Variants in WNK1 observed in about 807,000 individuals in gnomAD.
WNK1 encodes WNK lysine deficient protein kinase 1.
WNK1 carries 38 observed loss-of-function variants against 222.8 expected under a neutral mutation model. The observed-to-expected ratio is 0.17, with a 90% CI of 0.13 to 0.22. The LOEUF is 0.22. Among genes scored for constraint, WNK1 ranks in the 10% least tolerant of loss-of-function variants. The probability of loss-of-function intolerance (pLI) is 1.00; values close to 1 mark genes in which losing one functional copy is unlikely to be tolerated. For missense variants in WNK1, 2,348 were observed against 2,918.4 expected (o/e 0.80, Z 4.50); for synonymous variants, 1,090 against 1,092.9 (o/e 1.00, Z 0.05).
At chr12:813,936 G>T in intron 2 of WNK1, 122 bp downstream of exon 2, 1 of 997,612 alleles carries the variant, frequency 1.0e-6, no homozygotes, top group Non-Finnish European at 1.5e-6. Flanking sequence ...CCTTCCAACT[G>T]TTACTGTATT....
rs759061327 is a variant in WNK1 at position 884,195 on chromosome 12, A to G, written c.3796A>G (p.Ser1266Gly). ...GTTTATAGTGAGTCCTGTGCCAGAA[A>G]GCCGATTACGAGAATCAAAAGTTTT... ...RRFIVSPVPE[S>G]RLRESKVFPS... The change falls in exon 18 of 28, where the codon AGC becomes GGC. Residue 1266 changes from serine to glycine, a missense_variant. Physicochemically the swap from Ser to Gly is moderately conservative, Grantham distance 56. Coordinates refer to ENST00000315939, the MANE Select transcript of WNK1 (RefSeq NM_018979.4). This position sits in a 1 kb window ranked among gnomAD's most constrained non-coding sequence, Gnocchi z 5.6. The G allele has an allele frequency of 6.2e-7, 1 of 1,614,216 alleles. No homozygotes were observed. The highest frequency in any genetic ancestry group is 2.2e-5 in the East Asian group (1 of 44,884).
chr12:807,270 C>A (rs1946445452), intron 1 of WNK1, among the ~76,000 whole-genome samples: 1 of 147,320 alleles, frequency 6.8e-6, no homozygotes, highest in Non-Finnish European at 1.5e-5. Flanking sequence ...CCAGCCTGGG[C>A]AACAGAGTGA....
chr12:907,486 C>T (rs1955806878), intron 26 of WNK1, among the ~76,000 whole-genome samples: 1 of 152,206 alleles, frequency 6.6e-6, no homozygotes, highest in Admixed American at 6.5e-5. Flanking sequence ...GAGCAACTAG[C>T]CTTGCTGATT....
At position 886,075 on chromosome 12, in the gene WNK1, T is replaced by G. The variant is rs1445970661; in HGVS notation, c.5271T>G (p.Thr1757=). 1 of 1,607,354 alleles carries G rather than the reference T, an allele frequency of 6.2e-7. No individual in the cohort carries two copies. Among genetic ancestry groups the G allele is most frequent in the Non-Finnish European group, 8.5e-7 (1 of 1,178,070 alleles). ...CTGCTCCCTCCAAGCCACCTCTAAC[T>G]AAGGCTCCGGTAAAATTATTGTTAT... ...PGTAPSKPPL[T]KAPVLPVGTE... The change falls in exon 19 of 28, where the codon ACT becomes ACG. Residue 1757 remains threonine, a synonymous_variant. Transcript: ENST00000315939.
intron 1 of WNK1, among the ~76,000 whole-genome samples, chr12:775,141 T>G (rs1366308846): frequency 1.3e-5 from 2 of 152,198 alleles, no homozygotes; most frequent in Non-Finnish European, 2.9e-5. Context: ...TATTAAAATC[T>G]GAAATTGAAC....
At chr12:824,216 CTTT>C (rs1207566592) in intron 2 of WNK1, among the ~76,000 whole-genome samples, 1 of 126,106 alleles carries the variant, frequency 7.9e-6, no homozygotes, top group Admixed American at 8.0e-5. Context: ...GCAGAGACAT[CTTT>C]TTTTTTTTTT....
At chr12:856,347 A>G (rs1950791848) in intron 4 of WNK1, among the ~76,000 whole-genome samples, 1 of 151,806 alleles carries the variant, frequency 6.6e-6, no homozygotes, top group African/African-American at 2.4e-5. Flanking sequence ...CCGGCTACTC[A>G]GGAGGCTGAG....
intron 26 of WNK1, chr12:900,890 G>A (rs894601906): frequency 3.2e-6 from 2 of 626,272 alleles, no homozygotes; most frequent in Middle Eastern, 4.3e-4. Context: ...AGGAATTACA[G>A]TGAAAAGTTA....
At position 885,184 on chromosome 12, in the gene WNK1, A is replaced by G. The variant is rs200205583; in HGVS notation, c.4380A>G (p.Ala1460=). 4.5e-5 allele frequency: 72 copies of G among 1,614,044 alleles called. No individual in the cohort carries two copies. The highest frequency in any genetic ancestry group is 6.7e-5 in the Admixed American group (4 of 59,998). Residue 1460 remains alanine (A), a synonymous_variant, in exon 19 of 28, where the codon GCA becomes GCG. Transcript: ENST00000315939. ...SVTVSATSAS[A]GGSTATPGPK... is the part of the protein sequence containing the mutation. ...CAGTTTCAGCAACTTCAGCCTCTGC[A>G]GGGGGCAGTACTGCTACCCCAGGTC...
chr12:883,449 C>A lies in WNK1; in HGVS notation c.3544C>A (p.Arg1182=). ...GAGAGAGTCGTTTGTGGATCAAGTG[C>A]GAGAAATTATTGAAAAAGCTGATGA... ...IERESFVDQV[R]EIIEKADEML... Residue 1182 remains arginine, a synonymous_variant, in exon 16 of 28, where the codon CGA becomes AGA. Transcript: ENST00000315939. 6.2e-7 allele frequency: 1 copy of A among 1,610,808 alleles called. No homozygotes were observed. The highest frequency in any genetic ancestry group is 1.1e-5 in the South Asian group (1 of 91,000).
chr12:859,172 C>T, intron 5 of WNK1, 73 bp from the exon 6 acceptor site: 1 of 1,297,632 alleles, frequency 7.7e-7, no homozygotes, highest in Non-Finnish European at 1.1e-6. Flanking sequence ...AATAATTGGC[C>T]ACATTTGAAA....
chr12:906,194 G>A (rs1262348445), intron 26 of WNK1: 1 of 612,866 alleles, frequency 1.6e-6, no homozygotes, highest in Non-Finnish European at 2.0e-6. Context: ...ACTTACTTTA[G>A]GAGCTTTTAT....
At chr12:873,095 TG>T (rs1952296043) in intron 9 of WNK1, among the ~76,000 whole-genome samples, 1 of 152,348 alleles carries the variant, frequency 6.6e-6, no homozygotes, top group African/African-American at 2.4e-5. Context: ...CACATAAAGC[TG>T]GTTGAGAATG....
chr12:895,692 C>G (rs989036039), intron 23 of WNK1, among the ~76,000 whole-genome samples: 1 of 152,190 alleles, frequency 6.6e-6, no homozygotes, highest in Non-Finnish European at 1.5e-5. Flanking sequence ...CTCCTGACCT[C>G]AAGTGATCCA....
At chr12:773,683 C>G (rs1341452732) in intron 1 of WNK1, among the ~76,000 whole-genome samples, 1 of 152,104 alleles carries the variant, frequency 6.6e-6, no homozygotes, top group Non-Finnish European at 1.5e-5. Flanking sequence ...TTGAGGCTGT[C>G]TCAGGTAGCA....
At chr12:780,016 ATGT>A (rs568922338) in intron 1 of WNK1, among the ~76,000 whole-genome samples, 60 of 152,260 alleles carry the variant, frequency 3.9e-4, no homozygotes, top group African/African-American at 1.4e-3. Flanking sequence ...TTAATGGGTA[ATGT>A]TGTTTTCTTT....
chr12:891,057 C>T (rs888048310), intron 22 of WNK1, among the ~76,000 whole-genome samples: 6 of 151,456 alleles, frequency 4.0e-5, no homozygotes, highest in Non-Finnish European at 8.8e-5. Flanking sequence ...CAAGTATGTA[C>T]AATGAAAATA....
rs537709613 is a variant in WNK1 at position 753,532 on chromosome 12, C to T, written c.-34C>T. ...CTTCACGCCCTTTTCGTTCACGAATCCGAGCCCGCTCGCCTCTCTCCAGCG... is the reference window on the plus strand; with the variant it reads ...CTTCACGCCCTTTTCGTTCACGAATTCGAGCCCGCTCGCCTCTCTCCAGCG... On this transcript the variant is annotated 5_prime_UTR_variant, in exon 1 of 28. Coordinates refer to ENST00000315939, the MANE Select transcript of WNK1 (RefSeq NM_018979.4). The surrounding 1 kb of genome is among the most constrained non-coding windows in gnomAD (Gnocchi z 5.2). 48 of 1,610,912 alleles carry T rather than the reference C, an allele frequency of 3.0e-5. No individual in the cohort carries two copies. In the South Asian group the frequency reaches 4.4e-4, roughly 15 times the overall value.
Position 879,774 on chromosome 12 carries a change from T to C in WNK1, c.2575T>C (p.Ser859Pro), listed in dbSNP as rs757372764. The change falls in exon 11 of 28, where the codon TCA (serine) becomes CCA (proline). Residue 859 changes from serine to proline, a missense_variant. Transcript: ENST00000315939. ...PHVSTAQTGF[S>P]SLPITMAAGI... ...TGTGTCTACGGCTCAGACAGGTTTC[T>C]CATCCCTTCCCATCACAATGGCAGC... is the stretch of plus-strand genomic sequence containing the variant. 4.3e-6 allele frequency: 7 copies of C among 1,614,114 alleles called. No individual in the cohort carries two copies. The highest frequency in any genetic ancestry group is 5.9e-6 in the Non-Finnish European group (7 of 1,180,028).
Sources: gnomAD v4.1 joint callset for allele counts (sites outside exome capture counted in the v4.1 genomes callset) on GRCh38, gnomAD v4.1.1 for gene constraint, Gnocchi (gnomAD v3.1) non-coding constraint, MANE v1.5 for transcripts, NCBI Gene and HGNC (gene_info 2026-07-23, HGNC 2026-07-21) for gene names.